The following PPP1R12B variants were observed in gnomAD, a reference collection of about 807,000 sequenced individuals.
The protein encoded by PPP1R12B is protein phosphatase 1 regulatory subunit 12B, also known as myosin phosphatase target subunit 2.
PPP1R12B carries 76 observed loss-of-function variants against 126.1 expected under a neutral mutation model. The observed-to-expected ratio is 0.60, with a 90% confidence interval of 0.50 to 0.73. The LOEUF (loss-of-function observed/expected upper bound fraction) is 0.73. PPP1R12B is among the 30% of genes least tolerant of loss of function. The pLI is 0.00. For synonymous variants in PPP1R12B, 356 were observed against 434.7 expected, an observed-to-expected ratio of 0.82 and a Z score of 2.25; for missense variants, 1,052 against 1,205.1, an observed-to-expected ratio of 0.87 and a Z score of 1.88.
In PPP1R12B at chr1:202,554,130, G is replaced by A. The variant is rs1009291323; in HGVS notation, c.2491-4747G>A. Among the ~76,000 whole-genome samples, 107 of 151,992 alleles carry A rather than the reference G, an allele frequency of 7.0e-4. 1 individual carries two copies. The highest frequency in any genetic ancestry group is 2.1e-4 in the South Asian group (1 of 4,830). On this transcript the variant is annotated intron_variant, in intron 18 of 23. Coordinates refer to ENST00000608999, the MANE Select transcript of PPP1R12B (RefSeq NM_002481.4). Reference sequence around the variant, plus strand: ...AACTAGTGTTTTTTCATCAAACCCCGGATTATCTAGGGTATCAAGAAGCCA... The same window carrying A: ...AACTAGTGTTTTTTCATCAAACCCCAGATTATCTAGGGTATCAAGAAGCCA...
intron 1 of PPP1R12B, among the ~76,000 whole-genome samples, chr1:202,355,449 T>A (rs2148383659): frequency 6.6e-6 from 1 of 152,266 alleles, no homozygotes; most frequent in East Asian, 1.9e-4. Flanking sequence ...ACGAAGGCAG[T>A]CCAGGATGGT....
intron 18 of PPP1R12B, among the ~76,000 whole-genome samples, chr1:202,556,534 C>G (rs1354391118): frequency 1.3e-5 from 2 of 152,006 alleles, no homozygotes; most frequent in African/African-American, 4.8e-5. Flanking sequence ...TCTTCTGGAT[C>G]TTTGTTATCA....
At chr1:202,544,388 AAAGT>A (rs1268999455) in intron 18 of PPP1R12B, among the ~76,000 whole-genome samples, 1 of 152,176 alleles carries the variant, frequency 6.6e-6, no homozygotes, top group Non-Finnish European at 1.5e-5. Context: ...AATTATCCTA[AAAGT>A]AAGAGCCAGG....
chr1:202,512,260 C>T (rs1178816290), intron 18 of PPP1R12B, among the ~76,000 whole-genome samples: 2 of 152,210 alleles, frequency 1.3e-5, no homozygotes, highest in Non-Finnish European at 1.5e-5. Context: ...TACATACACA[C>T]ATACCCCTTT....
intron 13 of PPP1R12B, among the ~76,000 whole-genome samples, chr1:202,486,714 G>A (rs1027830314): frequency 1.3e-5 from 2 of 152,160 alleles, no homozygotes; most frequent in Non-Finnish European, 2.9e-5. Context: ...AGGCTGAGGC[G>A]GGAAAATCGC....
intron 15 of PPP1R12B, among the ~76,000 whole-genome samples, chr1:202,493,663 ACTT>A (rs1679179599): frequency 2.0e-5 from 3 of 152,226 alleles, no homozygotes; most frequent in Admixed American, 6.5e-5. Flanking sequence ...TATTTTAAGT[ACTT>A]CTTGTGTATT....
intron 1 of PPP1R12B, among the ~76,000 whole-genome samples, chr1:202,410,537 C>T (rs1254946098): frequency 6.6e-6 from 1 of 152,198 alleles, no homozygotes; most frequent in African/African-American, 2.4e-5. Flanking sequence ...TTTTGGGAAC[C>T]GAGGAGGCTT....
At chr1:202,357,657 C>G (rs1321409891) in intron 1 of PPP1R12B, among the ~76,000 whole-genome samples, 2 of 152,146 alleles carry the variant, frequency 1.3e-5, no homozygotes, top group Non-Finnish European at 2.9e-5. Flanking sequence ...GGCTGCTTAT[C>G]TAGTTTATTT....
chr1:202,553,896 A>G (rs189347045), intron 18 of PPP1R12B, among the ~76,000 whole-genome samples: 3 of 152,220 alleles, frequency 2.0e-5, no homozygotes, highest in African/African-American at 7.2e-5. Flanking sequence ...ACTCTGTCTT[A>G]TCTCCTCTAG....
intron 1 of PPP1R12B, among the ~76,000 whole-genome samples, chr1:202,350,684 G>A (rs541082755): frequency 2.6e-4 from 40 of 151,440 alleles, no homozygotes; most frequent in African/African-American, 9.7e-4. Flanking sequence ...GCAATGGCGA[G>A]ATCTTGGCTC....
Position 202,565,798 on chromosome 1 carries a change from T to A in PPP1R12B, c.2757+1251T>A, listed in dbSNP as rs1687992656. Among the ~76,000 whole-genome samples the A allele has an allele frequency of 6.6e-6, 1 of 152,012 alleles. No homozygotes were observed. Among genetic ancestry groups the A allele is most frequent in the Non-Finnish European group, 1.5e-5 (1 of 68,000 alleles). ...GATTTTGTGGAATAAGAAAAGTAGGTTTCTAAATCTAAAAGAGAAAAATAC... is the reference window on the plus strand; with the variant it reads ...GATTTTGTGGAATAAGAAAAGTAGGATTCTAAATCTAAAAGAGAAAAATAC... On this transcript the variant is annotated intron_variant, in intron 21 of 23. Coordinates refer to ENST00000608999, the MANE Select transcript of PPP1R12B (RefSeq NM_002481.4). This position sits in a 1 kb window ranked among gnomAD's most constrained non-coding sequence, Gnocchi z 4.3.
At position 202,511,541 on chromosome 1, in the gene PPP1R12B, C is replaced by T. The variant is rs116717058; in HGVS notation, c.2490+14719C>T. On this transcript the variant is annotated intron_variant, in intron 18 of 23. Transcript: ENST00000608999. ...ATATGTAGTCTTTTATCCCTCATCC[C>T]CATTCCACCCTTCCCCCTGAGTCCC... Among the ~76,000 whole-genome samples the T allele has an allele frequency of 3.0e-3, 461 of 151,930 alleles. 3 individuals carry two copies. Among genetic ancestry groups the T allele is most frequent in the African/African-American group, 0.011 (443 of 41,422 alleles).
At chr1:202,438,414 C>A in intron 10 of PPP1R12B, 1 of 496,878 alleles carries the variant, frequency 2.0e-6, no homozygotes, top group South Asian at 1.9e-5. Flanking sequence ...GTGTGCTGAA[C>A]CCTCTAAGCC....
intron 23 of PPP1R12B, chr1:202,576,540 C>T (rs1689109431): frequency 6.6e-6 from 1 of 152,154 alleles, no homozygotes. Flanking sequence ...CAAGTTCTAC[C>T]ATGGCCTGGC....
At chr1:202,412,625 C>A (rs1558193082) in intron 1 of PPP1R12B, among the ~76,000 whole-genome samples, 1 of 152,092 alleles carries the variant, frequency 6.6e-6, no homozygotes, top group Non-Finnish European at 1.5e-5. Flanking sequence ...CAGGAAGAAG[C>A]AATTGACCCA....
intron 2 of PPP1R12B, 59 bp downstream of exon 2, chr1:202,416,976 C>T (rs1668160953): frequency 2.6e-6 from 4 of 1,521,334 alleles, no homozygotes; most frequent in Non-Finnish European, 2.7e-6. Context: ...CTTCATTTCT[C>T]CTCTATTCTT....
chr1:202,558,767 T>C (rs946599162), intron 18 of PPP1R12B, 110 bp from the exon 19 acceptor site: 4 of 698,922 alleles, frequency 5.7e-6, no homozygotes, highest in Non-Finnish European at 9.7e-6. Flanking sequence ...TTCAGCCATC[T>C]GATTTGAAAA....
rs1225356809 is a variant in PPP1R12B, at chr1:202,438,406, G to T, written c.1458+382G>T. 1.9e-5 allele frequency: 11 copies of T among 564,586 alleles called. No homozygotes were observed. In the Admixed American group the frequency reaches 3.3e-4, roughly 17 times the overall value. The allele number at this position is 564,586 out of a possible 1,614,324, so 35.0% of individuals were successfully genotyped here. The stretch of plus-strand genomic sequence containing the variant: ...CGTCCCCCCAGCGGCATGGCTTCGT[G>T]TGCTGAACCCTCTAAGCCCTCTGCC... On this transcript the variant is annotated intron_variant, in intron 10 of 23. Transcript: ENST00000608999.
At chr1:202,523,102 A>G (rs1289248990) in intron 18 of PPP1R12B, among the ~76,000 whole-genome samples, 1 of 152,238 alleles carries the variant, frequency 6.6e-6, no homozygotes, top group Admixed American at 6.5e-5. Flanking sequence ...ACCATGCTAA[A>G]TGAAAAGTCA....
Sources: allele counts gnomAD v4.1 joint callset (sites outside exome capture counted in the v4.1 genomes callset), GRCh38; gene constraint gnomAD v4.1.1; non-coding constraint Gnocchi (gnomAD v3.1); transcripts MANE v1.5; gene names NCBI Gene and HGNC (gene_info 2026-07-23, HGNC 2026-07-21).